The following CFAP299 variants were observed in gnomAD, a reference collection of about 807,000 sequenced individuals.
The protein encoded by CFAP299 is cilia and flagella associated protein 299, also known as cilia- and flagella-associated protein 299.
A neutral mutation model predicts 27.0 loss-of-function variants in CFAP299; 21 were observed. The ratio of observed to expected loss-of-function variants is 0.78; its 90% confidence interval spans 0.55 to 1.12. The LOEUF is 1.12. Among genes scored for constraint, CFAP299 ranks in the 50% most tolerant of loss-of-function variants. CFAP299 has a pLI of 0.00. For synonymous variants in CFAP299, 104 were observed against 98.1 expected (o/e 1.06, Z -0.36); for missense variants, 310 against 276.6 (o/e 1.12, Z -0.86).
At chr4:80,622,229 A>AT (rs1387269300) in intron 3 of CFAP299, among the ~76,000 whole-genome samples, 3 of 152,210 alleles carry the variant, frequency 2.0e-5, no homozygotes, top group Non-Finnish European at 4.4e-5. Context: ...AGAGCTTGCA[A>AT]TAGTCCAGGT....
intron 2 of CFAP299, among the ~76,000 whole-genome samples, chr4:80,372,651 C>T (rs1342064277): frequency 6.6e-6 from 1 of 152,098 alleles, no homozygotes; most frequent in East Asian, 1.9e-4. Flanking sequence ...TATCTGCCCT[C>T]CTCTGGAGTG....
At chr4:80,686,225 C>T (rs1350859676) in intron 3 of CFAP299, among the ~76,000 whole-genome samples, 1 of 152,178 alleles carries the variant, frequency 6.6e-6, no homozygotes, top group African/African-American at 2.4e-5. Flanking sequence ...ACCTTCTACT[C>T]ATGAGTGGCA....
intron 2 of CFAP299, among the ~76,000 whole-genome samples, chr4:80,535,426 C>T (rs146553532): frequency 3.2e-5 from 2 of 62,138 alleles, no homozygotes; most frequent in Admixed American, 1.5e-4. Flanking sequence ...ACCCGGGAGG[C>T]GGAGCTTGCA....
chr4:80,441,200 G>A (rs1578445898), intron 2 of CFAP299, among the ~76,000 whole-genome samples: 2 of 152,110 alleles, frequency 1.3e-5, no homozygotes, highest in East Asian at 1.9e-4. Context: ...AGGAAATACA[G>A]AGAACACCAC....
At chr4:80,576,023 C>CG (rs553055738) in intron 2 of CFAP299, among the ~76,000 whole-genome samples, 99 of 147,632 alleles carry the variant, frequency 6.7e-4, no homozygotes, top group African/African-American at 2.2e-3. Context: ...CATCACAAAC[C>CG]GGGGCCTGTT....
At chr4:80,834,205 C>A (rs574932439) in intron 3 of CFAP299, among the ~76,000 whole-genome samples, 1 of 151,912 alleles carries the variant, frequency 6.6e-6, no homozygotes, top group Non-Finnish European at 1.5e-5. Context: ...GTAGATGAAC[C>A]GGTAAGTATT....
At chr4:80,656,834 T>A (rs1740582639) in intron 3 of CFAP299, among the ~76,000 whole-genome samples, 1 of 152,168 alleles carries the variant, frequency 6.6e-6, no homozygotes. Flanking sequence ...TAATGTACAC[T>A]CCCACCAACA....
At chr4:80,713,109 T>C (rs1216371393) in intron 3 of CFAP299, among the ~76,000 whole-genome samples, 2 of 152,118 alleles carry the variant, frequency 1.3e-5, no homozygotes, top group Non-Finnish European at 2.9e-5. Context: ...AGACTGGAGA[T>C]GAGAGGGCAT....
intron 3 of CFAP299, among the ~76,000 whole-genome samples, chr4:80,782,792 GTGTGGGTGC>G (rs1727005244): frequency 6.8e-6 from 1 of 147,804 alleles, no homozygotes; most frequent in Admixed American, 6.9e-5. Flanking sequence ...ATACATATAT[GTGTGGGTGC>G]ACACGAGTGT....
chr4:80,901,968 C>A (rs1734922332), intron 4 of CFAP299, among the ~76,000 whole-genome samples: 1 of 152,036 alleles, frequency 6.6e-6, no homozygotes, highest in Admixed American at 6.6e-5. Flanking sequence ...GTCCTCTGAT[C>A]TTGCCATTTC....
At chr4:80,685,946 C>G (rs2110009978) in intron 3 of CFAP299, among the ~76,000 whole-genome samples, 1 of 152,168 alleles carries the variant, frequency 6.6e-6, no homozygotes, top group Middle Eastern at 3.4e-3. Flanking sequence ...GTGTATCTGG[C>G]ACAAGTAATA....
rs35425830 is a variant in CFAP299, at chr4:80,891,830, GAAAAAA to G, written c.476+21709_476+21714del. 4.3e-3 allele frequency among the ~76,000 whole-genome samples: 233 copies of G among 54,002 alleles called. 2 individuals carry two copies. Among genetic ancestry groups the G allele is most frequent in the African/African-American group, 0.013 (207 of 15,442 alleles). The allele number at this position is 54,002 out of a possible 152,430, so 35.4% of individuals were successfully genotyped here. A position where few individuals can be genotyped will look rare whatever the true frequency, so the allele number is the denominator to read the frequency against. On this transcript the variant is annotated intron_variant, in intron 4 of 5. Transcript: ENST00000358105. ...AGCTTTGAGAAGCCCTAGATTAAAGGAAAAAAAAAAAAAAAAAAAGAAATTGCAGAG... is the reference window on the plus strand; with the variant it reads ...AGCTTTGAGAAGCCCTAGATTAAAGGAAAAAAAAAAAAAGAAATTGCAGAG...
intron 3 of CFAP299, among the ~76,000 whole-genome samples, chr4:80,785,140 G>GT (rs34318898): frequency 0.025 from 3,292 of 133,746 alleles, 40 homozygotes; most frequent in Middle Eastern, 0.055. Context: ...CTTCCTCTAT[G>GT]TTTTTTTTTT....
chr4:80,404,680 T>C (rs1208725053), intron 2 of CFAP299, among the ~76,000 whole-genome samples: 2 of 152,236 alleles, frequency 1.3e-5, no homozygotes, highest in South Asian at 2.1e-4. Flanking sequence ...TATCCATTCA[T>C]TTATTAATAG....
chr4:80,947,021 A>T (rs1737511039), intron 5 of CFAP299, among the ~76,000 whole-genome samples: 1 of 152,336 alleles, frequency 6.6e-6, no homozygotes, highest in East Asian at 1.9e-4. Context: ...TCAAGAATGC[A>T]TGTCATGAAT....
chr4:80,673,881 C>G (rs747479534), intron 3 of CFAP299, among the ~76,000 whole-genome samples: 3 of 127,578 alleles, frequency 2.4e-5, no homozygotes, highest in Non-Finnish European at 4.9e-5. Context: ...CTTGGTAGAT[C>G]TTCCTCCATC....
chr4:80,327,988 C>T, the CFAP299 span, among the ~76,000 whole-genome samples: 1 of 151,732 alleles, frequency 6.6e-6, no homozygotes, highest in African/African-American at 2.4e-5. Flanking sequence ...GACCAGCAAG[C>T]TGTGCTTCAT....
chr4:80,465,732 C>T (rs951803697), intron 2 of CFAP299, among the ~76,000 whole-genome samples: 1 of 152,060 alleles, frequency 6.6e-6, no homozygotes, highest in Non-Finnish European at 1.5e-5. Flanking sequence ...CCAAACAGAC[C>T]AAACACACAA....
At chr4:80,695,380 A>G (rs1721021795) in intron 3 of CFAP299, among the ~76,000 whole-genome samples, 1 of 152,190 alleles carries the variant, frequency 6.6e-6, no homozygotes, top group Admixed American at 6.5e-5. Context: ...TATTCCAGAA[A>G]TAACTTTCTC....
Sources: gnomAD v4.1 joint callset for allele counts (sites outside exome capture counted in the v4.1 genomes callset) on GRCh38, gnomAD v4.1.1 for gene constraint, MANE v1.5 for transcripts, NCBI Gene and HGNC (gene_info 2026-07-23, HGNC 2026-07-21) for gene names.